AXDND1: variants seen among roughly 807,000 people sequenced by gnomAD.
AXDND1 encodes axonemal dynein light chain domain containing 1.
AXDND1 carries 110 observed loss-of-function variants against 137.5 expected under a neutral mutation model. The ratio of observed to expected loss-of-function variants is 0.80; its 90% CI spans 0.69 to 0.94. AXDND1 has a LOEUF of 0.94. Ranked by LOEUF, AXDND1 falls within the 40% of genes least tolerant of loss-of-function variation. The pLI is 0.00. For missense variants in AXDND1, 1,191 were observed against 1,169.8 expected, an observed-to-expected ratio of 1.02 and a Z score of -0.26; for synonymous variants, 414 against 399.7, an observed-to-expected ratio of 1.04 and a Z score of -0.43.
chr1:179,461,059 G>T (rs1571932991), intron 16 of AXDND1, among the ~76,000 whole-genome samples: 1 of 152,160 alleles, frequency 6.6e-6, no homozygotes. Context: ...AGTTTAATTA[G>T]ATCTCATTTG....
Position 179,383,503 on chromosome 1 carries a change from A to T in AXDND1, c.700A>T (p.Arg234Trp). The T allele has an allele frequency of 6.2e-7, 1 of 1,614,038 alleles. No homozygotes were observed. The highest frequency in any genetic ancestry group is 8.5e-7 in the Non-Finnish European group (1 of 1,179,954). Residue 234 changes from arginine to tryptophan, a missense_variant, in exon 8 of 26, where the codon AGG becomes TGG. Coordinates refer to ENST00000367618, the MANE Select transcript of AXDND1 (RefSeq NM_144696.6). ...TGATGTGATGGATACTATGCTAGAG[A>T]GGGCTGGTGTGGAAAATCAGGAATA... ...LNDVMDTMLERAGVENQEYTG... is the reference protein window; with the variant it reads ...LNDVMDTMLEWAGVENQEYTG...
rs1293463124 is a variant in AXDND1 at position 179,528,310 on chromosome 1, A to G, written c.2611-17A>G. On this transcript the variant is annotated splice_polypyrimidine_tract_variant and intron_variant, in intron 22 of 25. Coordinates refer to ENST00000367618, the MANE Select transcript of AXDND1 (RefSeq NM_144696.6). ...TACACCAGCTTGCTAACAGGTCCGC[A>G]TGTTTCTGTGTTCTAGCAACCTTCA... 2.5e-6 allele frequency: 4 copies of G among 1,590,794 alleles called. No individual in the cohort carries two copies. Among genetic ancestry groups the G allele is most frequent in the East Asian group, 2.2e-5 (1 of 44,698 alleles).
intron 16 of AXDND1, among the ~76,000 whole-genome samples, chr1:179,464,255 G>A (rs932925395): frequency 6.6e-6 from 1 of 152,226 alleles, no homozygotes; most frequent in Non-Finnish European, 1.5e-5. Context: ...GCTGGTGCCA[G>A]TTGTTCCTTT....
In AXDND1 at chr1:179,530,191, G is replaced by A. The variant is rs113368182; in HGVS notation, c.2715+1760G>A. ...ATTACAGGTGCCCACCACCATGCCCGGCTAATTTTTTGTACTTTTAATAGA... is the reference window on the plus strand; with the variant it reads ...ATTACAGGTGCCCACCACCATGCCCAGCTAATTTTTTGTACTTTTAATAGA... On this transcript the variant is annotated intron_variant, in intron 23 of 25. Transcript: ENST00000367618. 6.5e-3 allele frequency among the ~76,000 whole-genome samples: 983 copies of A among 152,046 alleles called. 11 individuals are homozygous for A. The highest frequency in any genetic ancestry group is 0.023 in the African/African-American group (940 of 41,470).
intron 19 of AXDND1, among the ~76,000 whole-genome samples, chr1:179,492,453 CA>C (rs577884649): frequency 2.7e-3 from 88 of 32,566 alleles, no homozygotes; most frequent in African/African-American, 8.1e-3. Flanking sequence ...AAAAAAACAA[CA>C]ACCCACAAAC....
Position 179,521,421 on chromosome 1 carries a change from C to G in AXDND1, c.2497-3913C>G, listed in dbSNP as rs1196410396. Among the ~76,000 whole-genome samples, 7 of 152,208 alleles carry G rather than the reference C, an allele frequency of 4.6e-5. No homozygotes were observed. In the South Asian group the frequency reaches 1.4e-3, roughly 32 times the overall value. On this transcript the variant is annotated intron_variant, in intron 21 of 25. Transcript: ENST00000367618. The stretch of plus-strand genomic sequence containing the variant: ...CAAATAGGGATAGTTTTACCTCTTT[C>G]TTTTCAATTCTGATACTTCTAGTTG...
chr1:179,538,949 G>A (rs1305289309), intron 25 of AXDND1, among the ~76,000 whole-genome samples: 1 of 151,684 alleles, frequency 6.6e-6, no homozygotes, highest in Non-Finnish European at 1.5e-5. Context: ...TTATGTAATG[G>A]CCTTCTTTGT....
chr1:179,386,484 A>G (rs1649246701), intron 9 of AXDND1, among the ~76,000 whole-genome samples: 1 of 151,818 alleles, frequency 6.6e-6, no homozygotes, highest in Non-Finnish European at 1.5e-5. Flanking sequence ...TCAAATATGG[A>G]ACATTTTTGG....
intron 25 of AXDND1, chr1:179,552,790 A>G: frequency 1.2e-6 from 1 of 837,068 alleles, no homozygotes; most frequent in South Asian, 1.4e-5. Flanking sequence ...TGAGTAGCAA[A>G]TTTGGAGTGA....
rs1277727571 is a variant in AXDND1 at position 179,378,665 on chromosome 1, T to C, written c.403T>C (p.Tyr135His). ...TATTTCTTTTCTGTACGATGTAACA[T>C]ATGCCAAAGGACAGACTAGGGAGAA... ...RDISFLYDVT[Y>H]AKGQTREKAV... Residue 135 changes from tyrosine (Y) to histidine (H), a missense_variant, in exon 5 of 26, where the codon TAT becomes CAT. Transcript: ENST00000367618. 6.3e-7 allele frequency: 1 copy of C among 1,593,354 alleles called. No individual in the cohort carries two copies. The highest frequency in any genetic ancestry group is 8.6e-7 in the Non-Finnish European group (1 of 1,168,058).
intron 21 of AXDND1, among the ~76,000 whole-genome samples, chr1:179,512,607 G>A (rs974186271): frequency 6.6e-6 from 1 of 152,034 alleles, no homozygotes; most frequent in East Asian, 1.9e-4. Flanking sequence ...AAGAATGATA[G>A]TGGTGTTCTG....
chr1:179,381,943 A>ATTTTTTTTTTTTT (rs71111920), intron 6 of AXDND1, among the ~76,000 whole-genome samples: 71 of 105,410 alleles, frequency 6.7e-4, no homozygotes, highest in Non-Finnish European at 8.9e-4. Flanking sequence ...ACCACACCTA[A>ATTTTTTTTTTTTT]TTTTTTTTTT....
At chr1:179,492,529 A>G (rs777041938) in intron 19 of AXDND1, among the ~76,000 whole-genome samples, 5 of 152,112 alleles carry the variant, frequency 3.3e-5, no homozygotes, top group Non-Finnish European at 5.9e-5. Context: ...ATTGTAATCT[A>G]TTAACTGAGA....
chr1:179,502,587 A>G (rs937163544), intron 20 of AXDND1, among the ~76,000 whole-genome samples: 1 of 143,248 alleles, frequency 7.0e-6, no homozygotes, highest in Non-Finnish European at 1.5e-5. Flanking sequence ...AAAAAAAAAG[A>G]AATTGCAAAG....
At chr1:179,411,321 TAC>T in intron 12 of AXDND1, 55 bp downstream of exon 12, 10 of 1,574,326 alleles carry the variant, frequency 6.4e-6, no homozygotes, top group Non-Finnish European at 8.6e-6. Context: ...AGATTCATTC[TAC>T]AGTTTTAAAA....
At chr1:179,456,096 A>G in intron 16 of AXDND1, 1 of 502,000 alleles carries the variant, frequency 2.0e-6, no homozygotes, top group Admixed American at 2.3e-5. Context: ...ATTTGTCTAA[A>G]ATATGTCTTC....
At chr1:179,513,714 T>C (rs1004589384) in intron 21 of AXDND1, among the ~76,000 whole-genome samples, 1 of 152,070 alleles carries the variant, frequency 6.6e-6, no homozygotes, top group African/African-American at 2.4e-5. Flanking sequence ...TTGTTGGTAA[T>C]TTTTTAATTA....
At chr1:179,429,816 T>C (rs1657113928) in intron 13 of AXDND1, among the ~76,000 whole-genome samples, 197 bp downstream of exon 13, 1 of 151,636 alleles carries the variant, frequency 6.6e-6, no homozygotes, top group South Asian at 2.1e-4. Context: ...TTAAAGCAAT[T>C]TATTTAAGTT....
intron 12 of AXDND1, among the ~76,000 whole-genome samples, chr1:179,413,571 T>C (rs1484687774): frequency 1.3e-5 from 2 of 152,260 alleles, no homozygotes; most frequent in Non-Finnish European, 2.9e-5. Context: ...CTTCAAAGCA[T>C]ATAATTTCAT....
Sources: gnomAD v4.1 joint callset for allele counts (sites outside exome capture counted in the v4.1 genomes callset) on GRCh38, gnomAD v4.1.1 for gene constraint, MANE v1.5 for transcripts, NCBI Gene and HGNC (gene_info 2026-07-23, HGNC 2026-07-21) for gene names.